MKRN2OS: variants seen among roughly 807,000 people sequenced by gnomAD.
The protein encoded by MKRN2OS is MKRN2 opposite strand protein.
A neutral mutation model predicts 18.2 loss-of-function variants in MKRN2OS; 17 were observed. The ratio of observed to expected loss-of-function variants is 0.93; its 90% CI spans 0.64 to 1.40. The LOEUF (loss-of-function observed/expected upper bound fraction) is 1.40. Ranked by LOEUF, MKRN2OS falls within the 40% of genes most tolerant of loss-of-function variation. The probability of loss-of-function intolerance (pLI) is 0.00; values close to 1 mark genes in which losing one functional copy is unlikely to be tolerated. For synonymous variants in MKRN2OS, 121 were observed against 108.5 expected (o/e 1.12, Z -0.72); for missense variants, 337 against 283.0 (o/e 1.19, Z -1.37).
In MKRN2OS at chr3:12,539,913, G is replaced by A; in HGVS notation, c.*280C>T. 2.6e-6 allele frequency: 1 copy of A among 385,804 alleles called. No homozygotes were observed. Among genetic ancestry groups the A allele is most frequent in the Non-Finnish European group, 4.9e-6 (1 of 204,768 alleles). The allele number at this position is 385,804 out of a possible 1,614,324, so 23.9% of individuals were successfully genotyped here. ...CGATTCTCCTGCTTCAGCCTCCCTA[G>A]TAGTTGGGATTACAGGCATGCGCCA... On this transcript the variant is annotated 3_prime_UTR_variant, in exon 4 of 4. Transcript: ENST00000564146.
intron 1 of MKRN2OS, chr3:12,557,291 T>C: frequency 7.3e-7 from 1 of 1,371,284 alleles, no homozygotes; most frequent in Non-Finnish European, 9.7e-7. Context: ...GGAAAGTTAC[T>C]CGGCTGTTCG....
Position 12,542,021 on chromosome 3 carries a change from C to T in MKRN2OS, c.270G>A (p.Gly90=), listed in dbSNP as rs952317762. The change falls in exon 3 of 4, where the codon GGG becomes GGA. Residue 90 remains glycine (G), a splice_region_variant and synonymous_variant. Transcript: ENST00000564146. ...DLHVGITNTN[G]VVYNYSAHGV... ...CATGTGCACTGTAATTATACACAACCCCTGCAAATCAAAACCAAAGTCATG... is the reference window on the plus strand; with the variant it reads ...CATGTGCACTGTAATTATACACAACTCCTGCAAATCAAAACCAAAGTCATG... The T allele has an allele frequency of 4.2e-5, 65 of 1,531,968 alleles. No homozygotes were observed. The highest frequency in any genetic ancestry group is 7.9e-5 in the Admixed American group (4 of 50,646). 94.9% of individuals were successfully genotyped at this position (1,531,968 alleles called of 1,614,324 possible).
Position 12,540,442 on chromosome 3 carries a change from G to A in MKRN2OS, c.432-9C>T. The stretch of plus-strand genomic sequence containing the variant: ...GGTGGTTGTCTTCATACCTTATGGA[G>A]GAGAATAAGGGTGTTGAGAAGAAAA... On this transcript the variant is annotated splice_polypyrimidine_tract_variant and intron_variant, in intron 3 of 3. Transcript: ENST00000564146. The A allele has an allele frequency of 2.0e-6, 3 of 1,536,014 alleles. No individual in the cohort carries two copies. Among genetic ancestry groups the A allele is most frequent in the Non-Finnish European group, 2.6e-6 (3 of 1,146,814 alleles).
In MKRN2OS at chr3:12,541,917, T is replaced by TC; in HGVS notation, c.373dup (p.Glu125GlyfsTer22). ...GTCTTCCAGGTACTTGTCCCATTGC[T>TC]CCATCATTCCATACATGTTGGGCTG... On this transcript the variant is annotated frameshift_variant, in exon 3 of 4. Coordinates refer to ENST00000564146, the MANE Select transcript of MKRN2OS (RefSeq NM_001195279.2). LOFTEE classifies it high-confidence loss of function. 6.5e-7 allele frequency: 1 copy of TC among 1,536,020 alleles called. No homozygotes were observed. The highest frequency in any genetic ancestry group is 2.4e-5 in the East Asian group (1 of 40,914).
chr3:12,542,553 G>GTGCCTCACC, intron 2 of MKRN2OS, among the ~76,000 whole-genome samples: 1 of 151,938 alleles, frequency 6.6e-6, no homozygotes, highest in Non-Finnish European at 1.5e-5. Context: ...GCCTGGGTAG[G>GTGCCTCACC]TGCCTCACCT....
At chr3:12,548,816 A>G (rs1025253678), upstream of MKRN2OS, among the ~76,000 whole-genome samples, 3 of 152,164 alleles carry the variant, frequency 2.0e-5, no homozygotes, top group Admixed American at 2.0e-4. Context: ...TTTTTTCAAC[A>G]CAAGCATCTT....
chr3:12,550,659 A>C (rs2057923075), downstream of MKRN2OS, among the ~76,000 whole-genome samples: 1 of 152,156 alleles, frequency 6.6e-6, no homozygotes, highest in Admixed American at 6.6e-5. Context: ...CTTTTTAATA[A>C]ACTTTCACTG....
At position 12,540,282 on chromosome 3, in the gene MKRN2OS, G is replaced by A. The variant is rs1165599267; in HGVS notation, c.583C>T (p.Leu195Phe). Residue 195 changes from leucine to phenylalanine, a missense_variant, in exon 4 of 4, where the codon CTC (leucine) becomes TTC (phenylalanine). By Grantham distance (22) the Leu-to-Phe change is conservative. Transcript: ENST00000564146. ...RTRLASKFIT[L>F]YRAIREHGFY... ...CCATGCTCCCGTATCGCCCGGTAGA[G>A]TGTGATGAACTTGGATGCCAGCCTT... 6.5e-7 allele frequency: 1 copy of A among 1,536,016 alleles called. No individual in the cohort carries two copies. The highest frequency in any genetic ancestry group is 2.4e-5 in the East Asian group (1 of 40,936).
At chr3:12,540,877 C>CAA (rs11369647) in intron 3 of MKRN2OS, among the ~76,000 whole-genome samples, 1,447 of 59,594 alleles carry the variant, frequency 0.024, 33 homozygotes, top group Non-Finnish European at 0.029. Flanking sequence ...GACTCCATCT[C>CAA]AAAAAAAAAA....
intron 1 of MKRN2OS, among the ~76,000 whole-genome samples, chr3:12,559,171 A>G (rs1324050580): frequency 6.6e-6 from 1 of 152,238 alleles, no homozygotes; most frequent in African/African-American, 2.4e-5. Flanking sequence ...AGGGCTCCCG[A>G]TGACTGCCTT....
chr3:12,554,129 C>T (rs2057948769), exon 2 of MKRN2OS: 1 of 152,192 alleles, frequency 6.6e-6, no homozygotes. Flanking sequence ...AGCAAAGTTG[C>T]TTTTCCTAAG....
upstream of MKRN2OS, among the ~76,000 whole-genome samples, chr3:12,547,036 AG>A (rs1022433722): frequency 5.3e-5 from 8 of 152,104 alleles, no homozygotes; most frequent in Non-Finnish European, 1.2e-4. Context: ...TGAGCCTGGA[AG>A]GTCGAGGGTG....
chr3:12,548,212 G>T (rs2057900591), upstream of MKRN2OS, among the ~76,000 whole-genome samples: 1 of 152,182 alleles, frequency 6.6e-6, no homozygotes, highest in Non-Finnish European at 1.5e-5. Context: ...ACTTTGGGAG[G>T]CCGAGGCGGG....
chr3:12,542,207 G>A (rs899584632), intron 2 of MKRN2OS, among the ~76,000 whole-genome samples, 185 bp from the exon 3 acceptor site: 1 of 152,130 alleles, frequency 6.6e-6, no homozygotes, highest in African/African-American at 2.4e-5. Flanking sequence ...AGGGATTTTT[G>A]TAGCCTTCCC....
At chr3:12,549,887 G>C (rs1054812848), upstream of MKRN2OS, among the ~76,000 whole-genome samples, 2 of 152,132 alleles carry the variant, frequency 1.3e-5, no homozygotes, top group Non-Finnish European at 2.9e-5. Flanking sequence ...TATAGGGCAA[G>C]TTTTCTAGTG....
In MKRN2OS at chr3:12,544,378, A is replaced by G. The variant is rs139201270; in HGVS notation, c.218+869T>C. The stretch of plus-strand genomic sequence containing the variant: ...TCCTATTGGTAAACTCCACGGGGAC[A>G]ATAAAATATAAACCTGGCGGGGCAC... On this transcript the variant is annotated intron_variant, in intron 1 of 3. Transcript: ENST00000564146. Among the ~76,000 whole-genome samples, 3 of 152,280 alleles carry G rather than the reference A, an allele frequency of 2.0e-5. No homozygotes were observed. In the East Asian group the frequency reaches 5.8e-4, roughly 29 times the overall value.
intron 3 of MKRN2OS, among the ~76,000 whole-genome samples, chr3:12,541,521 A>C (rs1315548304): frequency 6.6e-6 from 1 of 152,018 alleles, no homozygotes; most frequent in Admixed American, 6.6e-5. Flanking sequence ...GCCCAGCCTG[A>C]ATATTGTTTT....
At chr3:12,548,829 A>G (rs536189921), upstream of MKRN2OS, among the ~76,000 whole-genome samples, 3 of 152,244 alleles carry the variant, frequency 2.0e-5, no homozygotes, top group Non-Finnish European at 2.9e-5. Flanking sequence ...AGCATCTTCA[A>G]TCCTTTTTTA....
At chr3:12,551,478 G>A (rs957785624), downstream of MKRN2OS, among the ~76,000 whole-genome samples, 2 of 146,932 alleles carry the variant, frequency 1.4e-5, no homozygotes, top group African/African-American at 2.5e-5. Flanking sequence ...CTGGGCAACA[G>A]AGCAAGACTC....
Sources: allele counts gnomAD v4.1 joint callset (sites outside exome capture counted in the v4.1 genomes callset), GRCh38; gene constraint gnomAD v4.1.1; transcripts MANE v1.5; gene names NCBI Gene and HGNC (gene_info 2026-07-23, HGNC 2026-07-21).